NUP155: variants seen among roughly 807,000 people sequenced by gnomAD.
The protein encoded by NUP155 is nuclear pore complex protein Nup155.
Under a neutral mutation model 180.4 loss-of-function variants are expected in NUP155, and 71 were observed. That is an observed-to-expected ratio of 0.39 (90% CI 0.33 to 0.48). The LOEUF is 0.48. Among genes scored for constraint, NUP155 ranks in the 20% least tolerant of loss-of-function variants. The pLI is 0.91. For synonymous variants in NUP155, 582 were observed against 559.5 expected, an observed-to-expected ratio of 1.04 and a Z score of -0.57; for missense variants, 1,553 against 1,648.9, an observed-to-expected ratio of 0.94 and a Z score of 1.01.
Position 37,352,841 on chromosome 5 carries a change from T to G in NUP155, c.464-12A>C, listed in dbSNP as rs756467864. On this transcript the variant is annotated splice_polypyrimidine_tract_variant and intron_variant, in intron 4 of 34. Transcript: ENST00000231498. ...AGGTTGAAAGATGCCTAAGATAAAG[T>G]AGACACAGGGCAGGAATACTTTCAG... 4 of 1,590,734 alleles carry G rather than the reference T, an allele frequency of 2.5e-6. No individual in the cohort carries two copies. The East Asian group carries it at 6.7e-5, about 27-fold the overall frequency.
At chr5:37,327,398 T>C (rs1056255779) in intron 18 of NUP155, among the ~76,000 whole-genome samples, 2 of 152,216 alleles carry the variant, frequency 1.3e-5, no homozygotes, top group African/African-American at 4.8e-5. Flanking sequence ...GGAACAACTG[T>C]ATTTTGATGC....
chr5:37,367,696 C>T (rs1747689009), intron 1 of NUP155, among the ~76,000 whole-genome samples: 1 of 151,910 alleles, frequency 6.6e-6, no homozygotes, highest in African/African-American at 2.4e-5. Flanking sequence ...CCACGCCCGG[C>T]TAATTATTTT....
At chr5:37,293,027 T>C (rs373236131) in intron 33 of NUP155, 42 bp from the exon 34 acceptor site, 9 of 1,269,326 alleles carry the variant, frequency 7.1e-6, no homozygotes, top group Non-Finnish European at 1.0e-5. Context: ...GCAAATTGTG[T>C]CAATTGATTA....
At chr5:37,358,909 C>T (rs1007552529) in intron 3 of NUP155, among the ~76,000 whole-genome samples, 6 of 151,566 alleles carry the variant, frequency 4.0e-5, no homozygotes, top group Non-Finnish European at 5.9e-5. Context: ...CCCAGCTACT[C>T]GGGAGGGTGA....
In NUP155 at chr5:37,370,902, C is replaced by A; in HGVS notation, c.76G>T (p.Ala26Ser). The A allele has an allele frequency of 6.2e-7, 1 of 1,614,216 alleles. No individual in the cohort carries two copies. The highest frequency in any genetic ancestry group is 8.5e-7 in the Non-Finnish European group (1 of 1,180,046). The change falls in exon 1 of 35, where the codon GCT (alanine) becomes TCT (serine). Residue 26 changes from alanine (A) to serine (S), a missense_variant. Transcript: ENST00000231498. ...AACTGACGGTCGATGAGCCGTCCAG[C>A]ATTTTCCAGAGCTTCCTGCAGGGCT... ...AAALQEALEN[A>S]GRLIDRQLQE...
rs1744745860 is a variant in NUP155, at chr5:37,328,399, C to T, written c.1835G>A (p.Ser612Asn). 3.1e-6 allele frequency: 5 copies of T among 1,607,300 alleles called. No homozygotes were observed. The South Asian group carries it at 4.4e-5, about 14-fold the overall frequency. ...VYSSSPVPSG[S>N]PYPNPSFLGT... ...CAAAAAGGATGGATTTGGATAGGGA[C>T]TACCACTAGGAACAGGAGAACCTAA... The change falls in exon 17 of 35, where the codon AGT becomes AAT. Residue 612 changes from serine (S) to asparagine (N), a missense_variant. Ser to Asn is a conservative substitution (Grantham distance 46, BLOSUM62 1). Transcript: ENST00000231498.
intron 6 of NUP155, among the ~76,000 whole-genome samples, chr5:37,350,676 C>T (rs1746396290): frequency 6.6e-6 from 1 of 151,972 alleles, no homozygotes. Context: ...TGGTGGTGCA[C>T]ACCTGTAATC....
chr5:37,347,102 C>T (rs1746141838), intron 9 of NUP155, among the ~76,000 whole-genome samples: 1 of 152,046 alleles, frequency 6.6e-6, no homozygotes, highest in Non-Finnish European at 1.5e-5. Context: ...GTGGCATGTG[C>T]CTGTAGTCCT....
intron 22 of NUP155, among the ~76,000 whole-genome samples, chr5:37,313,427 T>TA (rs546001888): frequency 0.015 from 1,981 of 136,398 alleles, 25 homozygotes; most frequent in Middle Eastern, 0.023. Context: ...CTCCATCTCT[T>TA]AAAAAAAAAA....
Position 37,347,485 on chromosome 5 carries a change from C to T in NUP155, c.995+1020G>A, listed in dbSNP as rs922344555. On this transcript the variant is annotated intron_variant, in intron 9 of 34. Transcript: ENST00000231498. Reference sequence around the variant, plus strand: ...CCAAGGCAGGTGGATCACCTGAGGTCGGGAGTTCGAGACCAGCCTGACCAA... The same window carrying T: ...CCAAGGCAGGTGGATCACCTGAGGTTGGGAGTTCGAGACCAGCCTGACCAA... 8.8e-5 allele frequency among the ~76,000 whole-genome samples: 13 copies of T among 147,102 alleles called. 1 individual carries two copies. In the East Asian group the frequency reaches 1.9e-3, roughly 21 times the overall value.
At chr5:37,325,624 C>A (rs1490163434) in intron 19 of NUP155, among the ~76,000 whole-genome samples, 1 of 151,790 alleles carries the variant, frequency 6.6e-6, no homozygotes, top group Non-Finnish European at 1.5e-5. Flanking sequence ...CAAAAATTAG[C>A]CAGGCATGGT....
intron 5 of NUP155, among the ~76,000 whole-genome samples, chr5:37,351,893 T>TGTGC (rs1561807774): frequency 6.6e-6 from 1 of 151,556 alleles, no homozygotes; most frequent in African/African-American, 2.4e-5. Flanking sequence ...TGTGTGTGTG[T>TGTGC]GCCTGTGTGT....
At chr5:37,339,077 C>A (rs1274264510) in intron 11 of NUP155, among the ~76,000 whole-genome samples, 2 of 151,910 alleles carry the variant, frequency 1.3e-5, no homozygotes, top group Non-Finnish European at 2.9e-5. Flanking sequence ...ACTATAGAAG[C>A]AATTATCTGG....
intron 1 of NUP155, among the ~76,000 whole-genome samples, chr5:37,369,164 AC>A (rs1251771630): frequency 1.3e-5 from 2 of 152,016 alleles, no homozygotes; most frequent in Non-Finnish European, 2.9e-5. Flanking sequence ...AGGCGGGAGG[AC>A]CACTTGAGCT....
At chr5:37,315,546 C>T (rs1489911044) in intron 21 of NUP155, among the ~76,000 whole-genome samples, 1 of 143,960 alleles carries the variant, frequency 6.9e-6, no homozygotes, top group Non-Finnish European at 1.5e-5. Context: ...GATGCCATTC[C>T]ATGTTCATTA....
chr5:37,294,424 T>C lies in NUP155; in HGVS notation c.3835A>G (p.Asn1279Asp). Residue 1279 changes from asparagine (N) to aspartate (D), a missense_variant, in exon 33 of 35, where the codon AAC (asparagine) becomes GAC (aspartate). Asn to Asp is a conservative substitution (Grantham distance 23). Transcript: ENST00000231498. ...QFLEQQVCTL[N>D]WDVGFVIQTM... Reference sequence around the variant, plus strand: ...TGTATTACGAAGCCCACATCCCAGTTCAAAGTACAAACCTGCTGTTCTAAA... The same window carrying C: ...TGTATTACGAAGCCCACATCCCAGTCCAAAGTACAAACCTGCTGTTCTAAA... The C allele has an allele frequency of 1.2e-6, 2 of 1,613,354 alleles. No homozygotes were observed. The highest frequency in any genetic ancestry group is 1.7e-6 in the Non-Finnish European group (2 of 1,179,396).
At chr5:37,354,867 G>A (rs571090693) in intron 4 of NUP155, among the ~76,000 whole-genome samples, 13 of 152,086 alleles carry the variant, frequency 8.5e-5, no homozygotes, top group East Asian at 3.9e-4. Context: ...AGAGACGGGC[G>A]GATCACTTGA....
intron 21 of NUP155, 65 bp downstream of exon 21, chr5:37,317,923 T>G (rs540826332): frequency 1.3e-5 from 11 of 867,436 alleles, no homozygotes; most frequent in South Asian, 1.0e-4. Context: ...TCCATTGTTT[T>G]CTATTCAAGT....
At chr5:37,359,511 TACA>T (rs1337113251) in intron 3 of NUP155, among the ~76,000 whole-genome samples, 2 of 152,010 alleles carry the variant, frequency 1.3e-5, no homozygotes, top group East Asian at 3.9e-4. Context: ...GCACCCTAAG[TACA>T]ACAACAGAAC....
Sources: allele counts gnomAD v4.1 joint callset (sites outside exome capture counted in the v4.1 genomes callset), GRCh38; gene constraint gnomAD v4.1.1; transcripts MANE v1.5; gene names NCBI Gene and HGNC (gene_info 2026-07-23, HGNC 2026-07-21).